CNTNAP2: variants seen among roughly 807,000 people sequenced by gnomAD.
The protein encoded by CNTNAP2 is contactin associated protein 2.
In CNTNAP2, 98 loss-of-function variants were observed where a neutral mutation model predicts 155.2. The ratio of observed to expected loss-of-function variants is 0.63; its 90% CI spans 0.54 to 0.75. The LOEUF is 0.75. Ranked by LOEUF, CNTNAP2 falls within the 30% of genes least tolerant of loss-of-function variation. CNTNAP2 has a pLI of 0.00. For synonymous variants in CNTNAP2, 651 were observed against 631.2 expected (o/e 1.03, Z -0.47); for missense variants, 1,727 against 1,688.1 (o/e 1.02, Z -0.40).
chr7:147,925,285 C>CAA (rs1352668539), intron 14 of CNTNAP2, among the ~76,000 whole-genome samples: 1 of 45,142 alleles, frequency 2.2e-5, no homozygotes, highest in Non-Finnish European at 4.2e-5. Flanking sequence ...CACACACAAG[C>CAA]GCGCGCGCAC....
chr7:146,468,326 T>C (rs968987765), intron 1 of CNTNAP2, among the ~76,000 whole-genome samples: 1 of 151,924 alleles, frequency 6.6e-6, no homozygotes, highest in Non-Finnish European at 1.5e-5. Context: ...ACCTGTTAAG[T>C]ACTATGCTTA....
intron 1 of CNTNAP2, among the ~76,000 whole-genome samples, chr7:146,140,246 T>C (rs1245631181): frequency 6.6e-6 from 1 of 151,862 alleles, no homozygotes; most frequent in Non-Finnish European, 1.5e-5. Context: ...TTTTCAAGAG[T>C]AGATAAAGAA....
At chr7:148,113,808 G>A (rs750091796) in intron 15 of CNTNAP2, among the ~76,000 whole-genome samples, 4 of 152,142 alleles carry the variant, frequency 2.6e-5, no homozygotes, top group Admixed American at 1.3e-4. Flanking sequence ...GTGTCATCTC[G>A]ATCATTCTGT....
At chr7:147,374,868 A>G (rs1796408137) in intron 9 of CNTNAP2, among the ~76,000 whole-genome samples, 1 of 151,986 alleles carries the variant, frequency 6.6e-6, no homozygotes, top group Admixed American at 6.6e-5. Context: ...AATTTCACAC[A>G]TATTTACTCA....
chr7:146,308,280 A>G (rs1380845375), intron 1 of CNTNAP2, among the ~76,000 whole-genome samples: 1 of 152,228 alleles, frequency 6.6e-6, no homozygotes, highest in Non-Finnish European at 1.5e-5. Flanking sequence ...ACAATGAGAT[A>G]CCATCTCACA....
At chr7:146,623,554 A>C (rs1385211583) in intron 1 of CNTNAP2, among the ~76,000 whole-genome samples, 2 of 152,180 alleles carry the variant, frequency 1.3e-5, no homozygotes, top group African/African-American at 4.8e-5. Flanking sequence ...TCTTTCACTT[A>C]GTAATATGTA....
intron 1 of CNTNAP2, among the ~76,000 whole-genome samples, chr7:146,669,781 TA>T (rs1337230910): frequency 6.6e-6 from 1 of 152,174 alleles, no homozygotes; most frequent in Non-Finnish European, 1.5e-5. Context: ...TGCACTGTAT[TA>T]AAAATTGTTT....
intron 4 of CNTNAP2, among the ~76,000 whole-genome samples, chr7:147,064,764 C>G (rs898739350): frequency 6.6e-6 from 1 of 152,112 alleles, no homozygotes; most frequent in Admixed American, 6.5e-5. Flanking sequence ...TTCTCTCCAT[C>G]TCCAACAAAA....
At chr7:146,858,076 G>C (rs1795026947) in intron 3 of CNTNAP2, among the ~76,000 whole-genome samples, 1 of 152,260 alleles carries the variant, frequency 6.6e-6, no homozygotes, top group Admixed American at 6.5e-5. Flanking sequence ...TGTAGGAAAA[G>C]GTGCTAAGGG....
chr7:147,999,881 T>C (rs988740472), intron 15 of CNTNAP2, among the ~76,000 whole-genome samples: 13 of 152,116 alleles, frequency 8.5e-5, no homozygotes, highest in African/African-American at 3.1e-4. Context: ...GTGAACATTC[T>C]CCCTCAGAAT....
At chr7:147,345,489 C>T (rs79963862) in intron 9 of CNTNAP2, among the ~76,000 whole-genome samples, 5,114 of 152,212 alleles carry the variant, frequency 0.034, 92 homozygotes, top group Non-Finnish European at 0.047. Context: ...TAGACATTTT[C>T]CCTTACTTTT....
chr7:147,780,420 T>C (rs1211841806), intron 13 of CNTNAP2, among the ~76,000 whole-genome samples: 16 of 152,242 alleles, frequency 1.1e-4, no homozygotes, highest in Non-Finnish European at 5.9e-5. Context: ...TTTAAAGTTT[T>C]AATATTATAA....
intron 3 of CNTNAP2, among the ~76,000 whole-genome samples, chr7:146,955,078 TG>T (rs1797405158): frequency 6.6e-6 from 1 of 151,960 alleles, no homozygotes; most frequent in South Asian, 2.1e-4. Context: ...CATTGGATAG[TG>T]TAAGTAATTT....
At chr7:146,809,140 C>T (rs2129193298) in intron 2 of CNTNAP2, among the ~76,000 whole-genome samples, 1 of 152,222 alleles carries the variant, frequency 6.6e-6, no homozygotes. Context: ...GAGGAATCTC[C>T]AAACTGGTTT....
At chr7:146,426,002 A>G (rs1203947391) in intron 1 of CNTNAP2, among the ~76,000 whole-genome samples, 1 of 151,906 alleles carries the variant, frequency 6.6e-6, no homozygotes, top group African/African-American at 2.4e-5. Context: ...CCTGCCCAAC[A>G]TGGTAAAACC....
chr7:148,186,519 G>T (rs1201453249), intron 18 of CNTNAP2, among the ~76,000 whole-genome samples: 1 of 152,110 alleles, frequency 6.6e-6, no homozygotes, highest in Non-Finnish European at 1.5e-5. Context: ...GGAGAGCCCG[G>T]GACCACATGA....
chr7:146,136,274 C>T (rs896137591), intron 1 of CNTNAP2, among the ~76,000 whole-genome samples: 1 of 152,078 alleles, frequency 6.6e-6, no homozygotes, highest in Non-Finnish European at 1.5e-5. Flanking sequence ...CAGATGGCTG[C>T]CAATAGTCTT....
intron 22 of CNTNAP2, among the ~76,000 whole-genome samples, chr7:148,384,909 G>A (rs914685067): frequency 1.1e-4 from 16 of 152,032 alleles, no homozygotes; most frequent in Admixed American, 6.5e-4. Flanking sequence ...TATCACAAGC[G>A]TTAAAGTTTA....
At chr7:147,330,874 C>T (rs1795553548) in intron 9 of CNTNAP2, among the ~76,000 whole-genome samples, 1 of 152,042 alleles carries the variant, frequency 6.6e-6, no homozygotes, top group Non-Finnish European at 1.5e-5. Context: ...ACAGATGACA[C>T]AAACTTGGAA....
Sources: gnomAD v4.1 joint callset for allele counts (sites outside exome capture counted in the v4.1 genomes callset) on GRCh38, gnomAD v4.1.1 for gene constraint, MANE v1.5 for transcripts, NCBI Gene and HGNC (gene_info 2026-07-23, HGNC 2026-07-21) for gene names.